Variants in EYS observed in about 807,000 individuals in gnomAD.
The protein encoded by EYS is EGF-like photoreceptor maintenance factor.
In EYS, 250 loss-of-function variants were observed where a neutral mutation model predicts 282.1. The observed-to-expected ratio is 0.89, with a 90% confidence interval of 0.80 to 0.98. The LOEUF (loss-of-function observed/expected upper bound fraction) is 0.98, where lower values mean the gene tolerates loss of function less well. Ranked by LOEUF, EYS falls within the 50% of genes least tolerant of loss-of-function variation. The probability of loss-of-function intolerance (pLI) is 0.00; values close to 1 mark genes in which losing one functional copy is unlikely to be tolerated. For synonymous variants in EYS, 1,355 were observed against 1,282.9 expected (o/e 1.06, Z -1.20); for missense variants, 4,016 against 3,709.0 (o/e 1.08, Z -2.15).
At chr6:64,234,597 A>AAT (rs1766526386) in intron 30 of EYS, among the ~76,000 whole-genome samples, 1 of 152,174 alleles carries the variant, frequency 6.6e-6, no homozygotes, top group African/African-American at 2.4e-5. Context: ...AGCATTATTT[A>AAT]ATATTTTTAA....
In EYS at chr6:65,495,230, C is replaced by A; in HGVS notation, c.181G>T (p.Gly61Cys). The A allele has an allele frequency of 6.2e-7, 1 of 1,614,040 alleles. No individual in the cohort carries two copies. The change falls in exon 4 of 43, where the codon GGT (glycine) becomes TGT (cysteine). Residue 61 changes from glycine (G) to cysteine (C), a missense_variant. Transcript: ENST00000503581. ...GAAGTATCTATTTTAGTGTTTACAC[C>A]CAAAAACCAGCAATCTCTGTAGAAG... ...LDFYRDCWFL[G>C]VNTKIDTSGN...
At chr6:64,046,130 T>TA (rs1770616641) in intron 33 of EYS, among the ~76,000 whole-genome samples, 1 of 149,276 alleles carries the variant, frequency 6.7e-6, no homozygotes, top group African/African-American at 2.4e-5. Context: ...TTTAAATACG[T>TA]TAGAAATATA....
intron 5 of EYS, among the ~76,000 whole-genome samples, chr6:65,464,566 G>C (rs1764932067): frequency 6.6e-6 from 1 of 152,066 alleles, no homozygotes; most frequent in African/African-American, 2.4e-5. Flanking sequence ...TCATCTAAAA[G>C]AAAGTAAAAA....
intron 12 of EYS, among the ~76,000 whole-genome samples, chr6:65,287,828 C>A (rs1157119152): frequency 6.6e-6 from 1 of 151,106 alleles, no homozygotes; most frequent in Admixed American, 6.6e-5. Context: ...AAGAATCTTC[C>A]AAAGTGAAGA....
intron 31 of EYS, among the ~76,000 whole-genome samples, chr6:64,134,862 A>G (rs1234056719): frequency 6.6e-6 from 1 of 152,138 alleles, no homozygotes; most frequent in Non-Finnish European, 1.5e-5. Flanking sequence ...TATTCATTTC[A>G]CAAATACCTA....
At chr6:63,941,450 T>C (rs984429946) in intron 35 of EYS, among the ~76,000 whole-genome samples, 8 of 152,364 alleles carry the variant, frequency 5.3e-5, no homozygotes, top group African/African-American at 1.9e-4. Context: ...ATGAGCATTT[T>C]TTCATGTGTC....
At chr6:64,612,267 G>T (rs1767136950) in intron 24 of EYS, among the ~76,000 whole-genome samples, 2 of 151,950 alleles carry the variant, frequency 1.3e-5, no homozygotes, top group South Asian at 2.1e-4. Context: ...TTTAAGGGCT[G>T]TAATTAACAC....
At chr6:65,014,750 T>C (rs1771988461) in intron 13 of EYS, among the ~76,000 whole-genome samples, 1 of 152,172 alleles carries the variant, frequency 6.6e-6, no homozygotes, top group African/African-American at 2.4e-5. Context: ...GAAAAAATGA[T>C]GCCCTCCCAC....
At chr6:64,738,014 C>G (rs556547620) in intron 22 of EYS, among the ~76,000 whole-genome samples, 2 of 152,086 alleles carry the variant, frequency 1.3e-5, no homozygotes, top group African/African-American at 2.4e-5. Flanking sequence ...TAGCTTATCA[C>G]TATGCTAAAG....
At chr6:64,518,786 C>CCT (rs1562038094) in intron 26 of EYS, among the ~76,000 whole-genome samples, 1 of 150,520 alleles carries the variant, frequency 6.6e-6, no homozygotes, top group East Asian at 2.0e-4. Context: ...AGGGGCCCCC[C>CCT]CCTTCTCAGG....
At chr6:65,266,408 T>C (rs1034902810) in intron 12 of EYS, among the ~76,000 whole-genome samples, 11 of 151,916 alleles carry the variant, frequency 7.2e-5, no homozygotes, top group African/African-American at 2.7e-4. Flanking sequence ...TATACTTTTT[T>C]CACCATTATT....
At chr6:64,066,532 T>A (rs1328181733) in intron 32 of EYS, 41 bp from the exon 33 acceptor site, 9 of 1,308,492 alleles carry the variant, frequency 6.9e-6, no homozygotes, top group Non-Finnish European at 8.4e-6. Flanking sequence ...ATTGTAGATT[T>A]ATATTTTATT....
At chr6:65,475,683 G>A (rs897869105) in intron 5 of EYS, among the ~76,000 whole-genome samples, 1 of 151,560 alleles carries the variant, frequency 6.6e-6, no homozygotes, top group Non-Finnish European at 1.5e-5. Context: ...TCTGACATAT[G>A]TTGTTTACCT....
chr6:63,907,060 T>C (rs1773796119), intron 35 of EYS, among the ~76,000 whole-genome samples: 1 of 152,174 alleles, frequency 6.6e-6, no homozygotes, highest in African/African-American at 2.4e-5. Flanking sequence ...AGCAGATCCA[T>C]GCCTGGACTC....
intron 22 of EYS, among the ~76,000 whole-genome samples, chr6:64,642,140 T>C (rs1478606568): frequency 6.6e-6 from 1 of 152,210 alleles, no homozygotes; most frequent in Non-Finnish European, 1.5e-5. Context: ...TCACCAACTC[T>C]TAAGTTTCTG....
chr6:64,069,627 TGATATATGGATA>T (rs1771500538), intron 32 of EYS, among the ~76,000 whole-genome samples: 1 of 152,014 alleles, frequency 6.6e-6, no homozygotes, highest in African/African-American at 2.4e-5. Flanking sequence ...ATACAAAGAT[TGATATATGGATA>T]GATAGGTAGA....
intron 22 of EYS, among the ~76,000 whole-genome samples, chr6:64,785,933 C>T (rs567118007): frequency 3.9e-5 from 6 of 152,260 alleles, no homozygotes; most frequent in Admixed American, 2.6e-4. Flanking sequence ...AAATGTCCTC[C>T]TATGTGCCAG....
At chr6:64,085,336 G>GCTCACACACACA (rs1304096306) in intron 31 of EYS, among the ~76,000 whole-genome samples, 1 of 76,692 alleles carries the variant, frequency 1.3e-5, no homozygotes, top group African/African-American at 5.7e-5. Flanking sequence ...GCGCACGTGC[G>GCTCACACACACA]CGCGCACACA....
At chr6:64,013,996 T>A (rs188071418) in intron 33 of EYS, among the ~76,000 whole-genome samples, 1 of 152,254 alleles carries the variant, frequency 6.6e-6, no homozygotes, top group Admixed American at 6.5e-5. Context: ...TATTATGTAC[T>A]CAATTTATTT....
Sources: gnomAD v4.1 joint callset for allele counts (sites outside exome capture counted in the v4.1 genomes callset) on GRCh38, gnomAD v4.1.1 for gene constraint, MANE v1.5 for transcripts, NCBI Gene and HGNC (gene_info 2026-07-23, HGNC 2026-07-21) for gene names.